TSHZ2: variants seen among roughly 807,000 people sequenced by gnomAD.
TSHZ2 encodes teashirt zinc finger homeobox 2.
A neutral mutation model predicts 74.4 loss-of-function variants in TSHZ2; 21 were observed. The ratio of observed to expected loss-of-function variants is 0.28; its 90% CI spans 0.20 to 0.41. TSHZ2 has a LOEUF of 0.41. Among genes scored for constraint, TSHZ2 ranks in the 10% least tolerant of loss-of-function variants. TSHZ2 has a pLI of 1.00. For missense variants in TSHZ2, 1,244 were observed against 1,293.5 expected (o/e 0.96, Z 0.59); for synonymous variants, 540 against 515.3 (o/e 1.05, Z -0.65).
chr20:53,304,970 C>T (rs1419188713), intron 2 of TSHZ2, among the ~76,000 whole-genome samples: 1 of 141,536 alleles, frequency 7.1e-6, no homozygotes, highest in Non-Finnish European at 1.5e-5. Context: ...GAGTCTTGCT[C>T]TGTCGCCCAG....
At chr20:53,025,997 A>G (rs1219250594) in intron 1 of TSHZ2, among the ~76,000 whole-genome samples, 1 of 152,192 alleles carries the variant, frequency 6.6e-6, no homozygotes, top group Non-Finnish European at 1.5e-5. Context: ...GTGGTATGGC[A>G]GTGTCTGGCT....
intron 2 of TSHZ2, among the ~76,000 whole-genome samples, chr20:53,477,653 T>A (rs1986024647): frequency 6.7e-6 from 1 of 148,904 alleles, no homozygotes; most frequent in Admixed American, 6.7e-5. Context: ...AAGACAAAAT[T>A]GACAATTGGG....
At chr20:53,142,819 A>G (rs1195841758) in intron 1 of TSHZ2, among the ~76,000 whole-genome samples, 1 of 136,762 alleles carries the variant, frequency 7.3e-6, no homozygotes, top group East Asian at 2.0e-4. Flanking sequence ...AACAGTATTA[A>G]GATGAAAAAA....
chr20:53,116,611 G>C (rs1195922975), intron 1 of TSHZ2, among the ~76,000 whole-genome samples: 1 of 152,044 alleles, frequency 6.6e-6, no homozygotes, highest in East Asian at 1.9e-4. Flanking sequence ...GTCCCCTGCA[G>C]CTGCAGAACT....
intron 2 of TSHZ2, among the ~76,000 whole-genome samples, chr20:53,460,284 C>T (rs1985301183): frequency 6.6e-6 from 1 of 151,978 alleles, no homozygotes. Context: ...CTAAACTTCC[C>T]TTCTCGCTTC....
At chr20:53,135,501 G>A (rs1987223839) in intron 1 of TSHZ2, among the ~76,000 whole-genome samples, 1 of 152,242 alleles carries the variant, frequency 6.6e-6, no homozygotes, top group South Asian at 2.1e-4. Context: ...GCAGAGGAAT[G>A]TTCTGGTACA....
At chr20:53,249,192 C>A (rs1990269443) in intron 1 of TSHZ2, among the ~76,000 whole-genome samples, 1 of 152,272 alleles carries the variant, frequency 6.6e-6, no homozygotes, top group Admixed American at 6.5e-5. Flanking sequence ...TTGTAATTCA[C>A]ATCTATCTAC....
intron 1 of TSHZ2, among the ~76,000 whole-genome samples, chr20:53,123,264 A>C (rs1283674984): frequency 6.6e-6 from 1 of 152,218 alleles, no homozygotes; most frequent in South Asian, 2.1e-4. Context: ...TCAGTGCCAT[A>C]AACTTTAACA....
At chr20:53,326,071 C>T (rs904295290) in intron 2 of TSHZ2, among the ~76,000 whole-genome samples, 18 of 152,156 alleles carry the variant, frequency 1.2e-4, no homozygotes, top group African/African-American at 1.4e-4. Context: ...CCTGAGCCAC[C>T]GCGCCCCACC....
At chr20:53,159,436 A>G (rs1286656739) in intron 1 of TSHZ2, among the ~76,000 whole-genome samples, 2 of 152,204 alleles carry the variant, frequency 1.3e-5, no homozygotes, top group African/African-American at 4.8e-5. Context: ...TACAGAGACC[A>G]TGTGACCCTC....
Position 53,213,763 on chromosome 20 carries a change from C to T in TSHZ2, c.41-39736C>T, listed in dbSNP as rs146341494. ...AAACCAACTTCATGGTTGCTCTTCA[C>T]ACTTGAGATTTGAATAGTACCTTTA... On this transcript the variant is annotated intron_variant, in intron 1 of 2. Coordinates refer to ENST00000371497, the MANE Select transcript of TSHZ2 (RefSeq NM_173485.6). Among the ~76,000 whole-genome samples, 322 of 151,086 alleles carry T rather than the reference C, an allele frequency of 2.1e-3. 1 individual carries two copies. The highest frequency in any genetic ancestry group is 7.2e-3 in the African/African-American group (297 of 41,092).
chr20:53,248,828 GTAT>G (rs1990263000), intron 1 of TSHZ2, among the ~76,000 whole-genome samples: 1 of 152,104 alleles, frequency 6.6e-6, no homozygotes, highest in Non-Finnish European at 1.5e-5. Context: ...GGATGCTCTG[GTAT>G]TATTTCATTT....
At chr20:53,262,287 T>C (rs1203851172) in intron 2 of TSHZ2, among the ~76,000 whole-genome samples, 1 of 152,060 alleles carries the variant, frequency 6.6e-6, no homozygotes, top group Non-Finnish European at 1.5e-5. Flanking sequence ...AGGAGACAAG[T>C]GACATTCTGT....
At chr20:53,436,706 C>T (rs114797112) in intron 2 of TSHZ2, among the ~76,000 whole-genome samples, 1,967 of 151,494 alleles carry the variant, frequency 0.013, 40 homozygotes, top group African/African-American at 0.045. Context: ...CCACCACGTC[C>T]GGCTAATTTT....
intron 2 of TSHZ2, among the ~76,000 whole-genome samples, chr20:53,480,218 G>A (rs1345389560): frequency 6.6e-6 from 1 of 151,782 alleles, no homozygotes; most frequent in African/African-American, 2.4e-5. Flanking sequence ...ACAGGCGCCT[G>A]CCACCACCAC....
In TSHZ2 at chr20:53,446,506, G is replaced by A. The variant is rs1173176197; in HGVS notation, c.*9-40638G>A. Among the ~76,000 whole-genome samples the A allele has an allele frequency of 3.3e-5, 5 of 150,906 alleles. No homozygotes were observed. The East Asian group carries it at 9.7e-4, about 29-fold the overall frequency. The stretch of plus-strand genomic sequence containing the variant: ...AGGCAGGAGAATGGCGTGAACCCAG[G>A]CGGCAGAGCTTGCAGTGAGTCAAGA... On this transcript the variant is annotated intron_variant, in intron 2 of 2. Transcript: ENST00000371497.
intron 2 of TSHZ2, among the ~76,000 whole-genome samples, chr20:53,362,977 C>G (rs929904317): frequency 6.6e-6 from 1 of 152,218 alleles, no homozygotes; most frequent in East Asian, 1.9e-4. Context: ...GGACGTTTTC[C>G]TGGCTTTGGG....
At chr20:53,180,267 A>T (rs1035931514) in intron 1 of TSHZ2, among the ~76,000 whole-genome samples, 1 of 152,224 alleles carries the variant, frequency 6.6e-6, no homozygotes, top group Non-Finnish European at 1.5e-5. Context: ...TCCATCTTTC[A>T]TTACATTTTT....
At chr20:53,229,936 A>G (rs1568824561) in intron 1 of TSHZ2, among the ~76,000 whole-genome samples, 1 of 151,370 alleles carries the variant, frequency 6.6e-6, no homozygotes, top group Non-Finnish European at 1.5e-5. Context: ...GAAGAGAAAG[A>G]AAAGAGAGGA....
Sources: gnomAD v4.1 joint callset for allele counts (sites outside exome capture counted in the v4.1 genomes callset) on GRCh38, gnomAD v4.1.1 for gene constraint, MANE v1.5 for transcripts, NCBI Gene and HGNC (gene_info 2026-07-23, HGNC 2026-07-21) for gene names.